NDUFV1: variants seen among roughly 807,000 people sequenced by gnomAD.
The protein encoded by NDUFV1 is NADH dehydrogenase [ubiquinone] flavoprotein 1, mitochondrial.
A neutral mutation model predicts 48.7 loss-of-function variants in NDUFV1; 41 were observed. The ratio of observed to expected loss-of-function variants is 0.84; its 90% CI spans 0.66 to 1.09. The LOEUF (loss-of-function observed/expected upper bound fraction) is 1.09, where lower values mean the gene tolerates loss of function less well. Among genes scored for constraint, NDUFV1 ranks in the 50% least tolerant of loss-of-function variants. The pLI is 0.00. For missense variants in NDUFV1, 580 were observed against 645.4 expected (o/e 0.90, Z 1.10); for synonymous variants, 231 against 259.1 (o/e 0.89, Z 1.04).
intron 5 of NDUFV1, chr11:67,610,783 C>T: frequency 1.3e-6 from 1 of 787,730 alleles, no homozygotes; most frequent in Non-Finnish European, 2.1e-6. Context: ...CTCTGTGGCT[C>T]CACCTTCACA....
chr11:67,610,674 C>G (rs1369224530), intron 5 of NDUFV1, 104 bp downstream of exon 5: 2 of 1,467,708 alleles, frequency 1.4e-6, no homozygotes, highest in Non-Finnish European at 1.9e-6. Context: ...GGCTTCCCGG[C>G]TGGGGCCAGA....
In NDUFV1 at chr11:67,607,029, G is replaced by C. The variant is rs768537128; in HGVS notation, c.25G>C (p.Gly9Arg). The C allele has an allele frequency of 6.2e-7, 1 of 1,609,670 alleles. No individual in the cohort carries two copies. The highest frequency in any genetic ancestry group is 8.5e-7 in the Non-Finnish European group (1 of 1,179,120). MLATRRLL[G>R]WSLPARVSVR... ...GATGCTGGCAACACGGCGGCTGCTC[G>C]GCTGGTCGCTTCCCGCGCGGGTATC... Residue 9 changes from glycine to arginine, a missense_variant, in exon 1 of 10, where the codon GGC becomes CGC. By Grantham distance (125) the Gly-to-Arg change is moderately radical. Coordinates refer to ENST00000322776, the MANE Select transcript of NDUFV1 (RefSeq NM_007103.4).
chr11:67,611,506 C>G lies in NDUFV1; in HGVS notation c.1017C>G (p.Phe339Leu), dbSNP rs371426372. 1 of 1,613,624 alleles carries G rather than the reference C, an allele frequency of 6.2e-7. No individual in the cohort carries two copies. The highest frequency in any genetic ancestry group is 8.5e-7 in the Non-Finnish European group (1 of 1,179,856). ...TGTGTGAGACGGTGCTGATGGACTT[C>G]GATGCGCTGGTGCAGGCACAGACAG... is the stretch of plus-strand genomic sequence containing the variant. The part of the protein sequence containing the change: ...KSVCETVLMD[F>L]DALVQAQTGL... Residue 339 changes from phenylalanine to leucine, a missense_variant, in exon 7 of 10, where the codon TTC (phenylalanine) becomes TTG (leucine). Physicochemically the swap from Phe to Leu is conservative, Grantham distance 22. Transcript: ENST00000322776. The surrounding 1 kb of genome is among the most constrained non-coding windows in gnomAD (Gnocchi z 4.2).
intron 1 of NDUFV1, chr11:67,607,540 G>A (rs1327273111): frequency 2.2e-6 from 1 of 457,850 alleles, no homozygotes; most frequent in Non-Finnish European, 4.4e-6. Flanking sequence ...TTCATCCTAA[G>A]TGAGCCCCTC....
At position 67,612,311 on chromosome 11, in the gene NDUFV1, G is replaced by A. The variant is rs1420486943; in HGVS notation, c.1308+46G>A. On this transcript the variant is annotated intron_variant, in intron 9 of 9. Transcript: ENST00000322776. This position sits in a 1 kb window ranked among gnomAD's most constrained non-coding sequence, Gnocchi z 4.4. ...TAGCACGGAGGGTGGGTGGCATCAA[G>A]GGCCCAGGGTGTTGGGGGATTTTTG... 1.2e-6 allele frequency: 2 copies of A among 1,613,830 alleles called. No individual in the cohort carries two copies. Among genetic ancestry groups the A allele is most frequent in the Admixed American group, 1.7e-5 (1 of 60,006 alleles).
intron 3 of NDUFV1, 69 bp from the exon 4 acceptor site, chr11:67,609,383 G>T: frequency 3.3e-6 from 5 of 1,514,056 alleles, no homozygotes; most frequent in Non-Finnish European, 4.6e-6. Context: ...TGGGTGGAGT[G>T]GGGTGGCATG....
At chr11:67,610,040 G>A in intron 4 of NDUFV1, 1 of 367,582 alleles carries the variant, frequency 2.7e-6, no homozygotes, top group East Asian at 5.9e-5. Context: ...AAATAAAATA[G>A]GTTAAGGCAA....
At chr11:67,609,359 C>A in intron 3 of NDUFV1, 93 bp from the exon 4 acceptor site, 1 of 1,372,140 alleles carries the variant, frequency 7.3e-7, no homozygotes, top group Non-Finnish European at 1.0e-6. Context: ...GAGGAGACAT[C>A]TTTGAGGCCT....
At position 67,611,333 on chromosome 11, in the gene NDUFV1, C is replaced by G. The variant is rs554549628; in HGVS notation, c.914-70C>G. 1 of 1,597,984 alleles carries G rather than the reference C, an allele frequency of 6.3e-7. No individual in the cohort carries two copies. The highest frequency in any genetic ancestry group is 8.5e-7 in the Non-Finnish European group (1 of 1,170,428). On this transcript the variant is annotated intron_variant, in intron 6 of 9. Coordinates refer to ENST00000322776, the MANE Select transcript of NDUFV1 (RefSeq NM_007103.4). The surrounding 1 kb of genome is among the most constrained non-coding windows in gnomAD (Gnocchi z 4.2). ...TAGGGGCTGACTAAGGGCCTGGGCT[C>G]AGGACTAGGCAGGTGTGCCGGCCCC...
chr11:67,610,888 T>C (rs1033663961), intron 5 of NDUFV1, 107 bp from the exon 6 acceptor site: 8 of 1,087,804 alleles, frequency 7.4e-6, no homozygotes, highest in South Asian at 1.3e-5. Context: ...AAGGGGATAT[T>C]AGAGCAGGGG....
In NDUFV1 at chr11:67,606,954, C is replaced by T; in HGVS notation, c.-51C>T. ...CGTCTCTATCGCGCCAGTTCCTCAG[C>T]CTCAGTGCTATGAAGGTGACAGCGT... is the stretch of plus-strand genomic sequence containing the variant. On this transcript the variant is annotated 5_prime_UTR_variant, in exon 1 of 10. Transcript: ENST00000322776. The T allele has an allele frequency of 6.3e-7, 1 of 1,579,916 alleles. No individual in the cohort carries two copies. The highest frequency in any genetic ancestry group is 8.6e-7 in the Non-Finnish European group (1 of 1,161,096).
chr11:67,612,390 C>G lies in NDUFV1; in HGVS notation c.1327C>G (p.Arg443Gly). 1 of 1,613,230 alleles carries G rather than the reference C, an allele frequency of 6.2e-7. No individual in the cohort carries two copies. The highest frequency in any genetic ancestry group is 1.1e-5 in the South Asian group (1 of 91,030). The change falls in exon 10 of 10, where the codon CGG (arginine) becomes GGG (glycine). Residue 443 changes from arginine to glycine, a missense_variant. Arg to Gly is a moderately radical substitution (Grantham distance 125). Coordinates refer to ENST00000322776, the MANE Select transcript of NDUFV1 (RefSeq NM_007103.4). This position sits in a 1 kb window ranked among gnomAD's most constrained non-coding sequence, Gnocchi z 4.4. ...WPVQGLIRHFRPELEERMQRF... is the reference protein window; with the variant it reads ...WPVQGLIRHFGPELEERMQRF... ...ACCCCAGGGTCTGATCCGCCACTTT[C>G]GGCCGGAGCTCGAGGAGCGGATGCA...
At chr11:67,609,765 G>C in intron 4 of NDUFV1, 130 bp downstream of exon 4, 1 of 1,044,084 alleles carries the variant, frequency 9.6e-7, no homozygotes, top group Non-Finnish European at 1.4e-6. Context: ...GTGGTGGCCA[G>C]TCCTGCATGC....
chr11:67,610,716 CCCCCAGGG>C, intron 5 of NDUFV1, 146 bp downstream of exon 5: 1 of 1,146,382 alleles, frequency 8.7e-7, no homozygotes, highest in Non-Finnish European at 1.3e-6. Context: ...CACACAGGCT[CCCCCAGGG>C]CCGCCTGCTG....
In NDUFV1 at chr11:67,608,684, CCTCAAGTGGA is replaced by C. The variant is rs763976244; in HGVS notation, c.289_298del (p.Leu97AlafsTer3). On this transcript the variant is annotated frameshift_variant, in exon 3 of 10. Coordinates refer to ENST00000322776, the MANE Select transcript of NDUFV1 (RefSeq NM_007103.4). LOFTEE classifies it high-confidence loss of function. ...GTGGAGGCGCTGGCTTCCCCACTGG[CCTCAAGTGGA>C]GCTTCATGAATAAGCCCTCAGATGG... The C allele has an allele frequency of 3.1e-5, 50 of 1,613,996 alleles. No individual in the cohort carries two copies. The highest frequency in any genetic ancestry group is 4.0e-5 in the African/African-American group (3 of 74,908).
Position 67,610,499 on chromosome 11 carries a change from C to T in NDUFV1, c.629C>T (p.Thr210Ile), listed in dbSNP as rs776055568. 2 of 1,614,140 alleles carry T rather than the reference C, an allele frequency of 1.2e-6. No homozygotes were observed. Among genetic ancestry groups the T allele is most frequent in the Non-Finnish European group, 1.7e-6 (2 of 1,180,012 alleles). The change falls in exon 5 of 10, where the codon ACA becomes ATA. Residue 210 changes from threonine (T) to isoleucine (I), a missense_variant. Transcript: ENST00000322776. The part of the protein sequence containing the change: ...GAGAYICGEE[T>I]ALIESIEGKQ... Reference sequence around the variant, plus strand: ...GGGGCCTACATCTGTGGAGAGGAGACAGCGCTCATCGAGTCCATTGAGGGC... The same window carrying T: ...GGGGCCTACATCTGTGGAGAGGAGATAGCGCTCATCGAGTCCATTGAGGGC...
Position 67,611,754 on chromosome 11 carries a change from GGGCCCAGGGA to G in NDUFV1, c.1081-139_1081-130del. 1 of 1,376,266 alleles carries G rather than the reference GGGCCCAGGGA, an allele frequency of 7.3e-7. No homozygotes were observed. The highest frequency in any genetic ancestry group is 1.2e-5 in the South Asian group (1 of 82,338). 85.3% of individuals were successfully genotyped at this position (1,376,266 alleles called of 1,614,324 possible). On this transcript the variant is annotated intron_variant, in intron 7 of 9. Transcript: ENST00000322776. The surrounding 1 kb of genome is among the most constrained non-coding windows in gnomAD (Gnocchi z 4.2). ...TACCCCGGAGTCTGGGCAGCACAGG[GGGCCCAGGGA>G]GGCTGGAGGAGGCCAGAACGCTGGG...
chr11:67,611,191 G>A lies in NDUFV1; in HGVS notation c.897G>A (p.Leu299=). The change falls in exon 6 of 10, where the codon CTG becomes CTA. Residue 299 remains leucine, a synonymous_variant. Transcript: ENST00000322776. The surrounding 1 kb of genome is among the most constrained non-coding windows in gnomAD (Gnocchi z 4.2). ...AGATGTCTGTGCCCTTGAAAGAACT[G>A]ATTGAGAAGCATGCTGGTAAGGCCT... ...EEEMSVPLKE[L]IEKHAGGVTG... The A allele has an allele frequency of 1.2e-6, 2 of 1,614,092 alleles. No homozygotes were observed. Among genetic ancestry groups the A allele is most frequent in the Non-Finnish European group, 1.7e-6 (2 of 1,180,012 alleles).
intron 5 of NDUFV1, 23 bp from the exon 6 acceptor site, chr11:67,610,972 G>A (rs1854902492): frequency 6.2e-7 from 1 of 1,613,624 alleles, no homozygotes; most frequent in South Asian, 1.1e-5. Context: ...GCAGCCACCA[G>A]TTCTCTTCCC....
Sources: allele counts gnomAD v4.1 joint callset, GRCh38; gene constraint gnomAD v4.1.1; non-coding constraint Gnocchi (gnomAD v3.1); transcripts MANE v1.5; gene names NCBI Gene and HGNC (gene_info 2026-07-23, HGNC 2026-07-21).